LRRC8D: variants seen among roughly 807,000 people sequenced by gnomAD.
LRRC8D encodes volume-regulated anion channel subunit LRRC8D.
A neutral mutation model predicts 55.8 loss-of-function variants in LRRC8D; 20 were observed. That is an observed-to-expected ratio of 0.36 (90% CI 0.25 to 0.52). The LOEUF (loss-of-function observed/expected upper bound fraction) is 0.52. Among genes scored for constraint, LRRC8D ranks in the 20% least tolerant of loss-of-function variants. The pLI is 0.93. For missense variants in LRRC8D, 651 were observed against 1,030.8 expected, an observed-to-expected ratio of 0.63 and a Z score of 5.05; for synonymous variants, 352 against 377.0, an observed-to-expected ratio of 0.93 and a Z score of 0.77.
At chr1:89,826,998 T>A (rs1020449153) in intron 1 of LRRC8D, among the ~76,000 whole-genome samples, 2 of 152,190 alleles carry the variant, frequency 1.3e-5, no homozygotes, top group African/African-American at 4.8e-5. Context: ...TACCTTCATG[T>A]TGTTGTCCTG....
intron 1 of LRRC8D, among the ~76,000 whole-genome samples, chr1:89,825,975 T>C (rs1660752070): frequency 6.6e-6 from 1 of 152,242 alleles, no homozygotes; most frequent in Admixed American, 6.5e-5. Context: ...AATCCTTTGT[T>C]AGTGTGTTGG....
intron 2 of LRRC8D, among the ~76,000 whole-genome samples, chr1:89,910,182 G>C (rs1663101969): frequency 6.6e-6 from 1 of 152,158 alleles, no homozygotes; most frequent in African/African-American, 2.4e-5. Context: ...CTTTTTGAAG[G>C]TAAGATTTAA....
chr1:89,830,564 T>C (rs538039918), intron 1 of LRRC8D, among the ~76,000 whole-genome samples: 4 of 152,324 alleles, frequency 2.6e-5, no homozygotes, highest in African/African-American at 9.6e-5. Flanking sequence ...GCAAATAGTG[T>C]GCCTCAGAGA....
At chr1:89,896,977 C>T (rs1340446825) in intron 2 of LRRC8D, among the ~76,000 whole-genome samples, 1 of 152,108 alleles carries the variant, frequency 6.6e-6, no homozygotes, top group Non-Finnish European at 1.5e-5. Context: ...TGTGGTGGTT[C>T]AGTTTTTGCA....
intron 2 of LRRC8D, among the ~76,000 whole-genome samples, chr1:89,877,424 C>G (rs1662174323): frequency 6.6e-6 from 1 of 152,100 alleles, no homozygotes; most frequent in African/African-American, 2.4e-5. Context: ...TTTAAAAATA[C>G]CTTGCACATA....
rs570935080 is a variant in LRRC8D, at chr1:89,850,868, A to G, written c.-3+7086A>G. Among the ~76,000 whole-genome samples, 14 of 152,230 alleles carry G rather than the reference A, an allele frequency of 9.2e-5. No homozygotes were observed. The East Asian group carries it at 1.9e-3, about 21-fold the overall frequency. ...ATTAATATAAATTTTAAAGTTCAAG[A>G]CTTTAAGATTATTTTGAGGCAGATT... On this transcript the variant is annotated intron_variant, in intron 2 of 2. Transcript: ENST00000337338.
chr1:89,934,188 T>A lies in LRRC8D; in HGVS notation c.1120T>A (p.Cys374Ser). Reference protein sequence around the residue: ...KLLISYISIICVYGFICLYTL... With the variant: ...KLLISYISIISVYGFICLYTL... ...TCTCATCAGTTACATATCCATTATT[T>A]GTGTTTATGGCTTTATCTGCCTCTA... is the stretch of plus-strand genomic sequence containing the variant. Residue 374 changes from cysteine (C) to serine (S), a missense_variant, in exon 3 of 3, where the codon TGT (cysteine) becomes AGT (serine). Around this residue, in one of 5 missense-constraint regions of LRRC8D, gnomAD observed 178 missense variants for 374.9 expected, o/e 0.47. Coordinates refer to ENST00000337338, the MANE Select transcript of LRRC8D (RefSeq NM_001134479.2). This position sits in a 1 kb window ranked among gnomAD's most constrained non-coding sequence, Gnocchi z 5.9. 6.2e-7 allele frequency: 1 copy of A among 1,614,126 alleles called. No individual in the cohort carries two copies. Among genetic ancestry groups the A allele is most frequent in the Non-Finnish European group, 8.5e-7 (1 of 1,179,978 alleles).
intron 2 of LRRC8D, among the ~76,000 whole-genome samples, chr1:89,894,779 C>A (rs1662664746): frequency 6.6e-6 from 1 of 152,184 alleles, no homozygotes; most frequent in African/African-American, 2.4e-5. Context: ...ATATAAGTCA[C>A]CACTCAAATA....
chr1:89,843,889 G>T, intron 2 of LRRC8D, 107 bp downstream of exon 2: 1 of 514,394 alleles, frequency 1.9e-6, no homozygotes, highest in Admixed American at 3.3e-5. Context: ...AGCTTCACTT[G>T]CCCGCCCCCC....
chr1:89,933,058 G>GT lies in LRRC8D; in HGVS notation c.-2-5dup. On this transcript the variant is annotated splice_polypyrimidine_tract_variant and intron_variant, in intron 2 of 2. Transcript: ENST00000337338. This position sits in a 1 kb window ranked among gnomAD's most constrained non-coding sequence, Gnocchi z 7.0. ...CTAGAATAATGTCTTTTGTCTTCTT[G>GT]TTTTCTAGGAATGTTTACCCTTGCG... 1 of 1,596,080 alleles carries GT rather than the reference G, an allele frequency of 6.3e-7. No homozygotes were observed. The highest frequency in any genetic ancestry group is 1.3e-5 in the African/African-American group (1 of 74,560).
chr1:89,907,049 A>C (rs767329216), intron 2 of LRRC8D, among the ~76,000 whole-genome samples: 3 of 151,348 alleles, frequency 2.0e-5, no homozygotes, highest in African/African-American at 7.3e-5. Flanking sequence ...GGGTAACTCA[A>C]CTCCTCCAAA....
At chr1:89,920,462 G>C (rs1207802544) in intron 2 of LRRC8D, among the ~76,000 whole-genome samples, 1 of 151,822 alleles carries the variant, frequency 6.6e-6, no homozygotes, top group African/African-American at 2.4e-5. Flanking sequence ...TAAATCTTGA[G>C]ATTTTTTATG....
rs763758622 is a variant in LRRC8D, at chr1:89,843,678, A to T, written c.-107A>T. On this transcript the variant is annotated 5_prime_UTR_variant, in exon 2 of 3. The change abolishes an upstream ATG in the 5' untranslated region. Coordinates refer to ENST00000337338, the MANE Select transcript of LRRC8D (RefSeq NM_001134479.2). ...CTATAACGTGCTGCCGGGTCTCAGGATGGAGGAGTGAAGTCTCCTGTCGCC... is the reference window on the plus strand; with the variant it reads ...CTATAACGTGCTGCCGGGTCTCAGGTTGGAGGAGTGAAGTCTCCTGTCGCC... The T allele has an allele frequency of 2.8e-6, 2 of 702,202 alleles. No individual in the cohort carries two copies. The highest frequency in any genetic ancestry group is 3.0e-5 in the South Asian group (2 of 67,580). The allele number at this position is 702,202 out of a possible 1,614,324, so 43.5% of individuals were successfully genotyped here.
chr1:89,921,515 G>GT (rs997254894), intron 2 of LRRC8D, among the ~76,000 whole-genome samples: 1 of 151,196 alleles, frequency 6.6e-6, no homozygotes, highest in Non-Finnish European at 1.5e-5. Context: ...ACTTTTAAAG[G>GT]TTTTTTTTGT....
At position 89,844,508 on chromosome 1, in the gene LRRC8D, C is replaced by T. The variant is rs557879411; in HGVS notation, c.-3+726C>T. Among the ~76,000 whole-genome samples the T allele has an allele frequency of 6.8e-4, 104 of 152,262 alleles. 1 individual carries two copies. Among genetic ancestry groups the T allele is most frequent in the Admixed American group, 1.8e-3 (28 of 15,310 alleles). Reference sequence around the variant, plus strand: ...CTGTGGTTTCTGAGCCAGGCCTCCTCGCTGAGACAGAAGGTACTTTAACAT... The same window carrying T: ...CTGTGGTTTCTGAGCCAGGCCTCCTTGCTGAGACAGAAGGTACTTTAACAT... On this transcript the variant is annotated intron_variant, in intron 2 of 2. Coordinates refer to ENST00000337338, the MANE Select transcript of LRRC8D (RefSeq NM_001134479.2).
chr1:89,918,665 G>A (rs1234158408), intron 2 of LRRC8D, among the ~76,000 whole-genome samples: 2 of 152,194 alleles, frequency 1.3e-5, no homozygotes, highest in African/African-American at 4.8e-5. Flanking sequence ...GTATGCCCAA[G>A]CTTACCTTTG....
rs988422833 is a variant in LRRC8D, at chr1:89,850,138, T to C, written c.-3+6356T>C. 4.6e-5 allele frequency among the ~76,000 whole-genome samples: 7 copies of C among 152,228 alleles called. No individual in the cohort carries two copies. In the East Asian group the frequency reaches 7.7e-4, roughly 17 times the overall value. On this transcript the variant is annotated intron_variant, in intron 2 of 2. Transcript: ENST00000337338. ...TTTCCCAGCACTATTTGCCAACTAGTACATTCTTTCTCCACAGAGTTTTGG... is the reference window on the plus strand; with the variant it reads ...TTTCCCAGCACTATTTGCCAACTAGCACATTCTTTCTCCACAGAGTTTTGG...
chr1:89,871,143 C>G (rs1056585409), intron 2 of LRRC8D, among the ~76,000 whole-genome samples: 3 of 152,126 alleles, frequency 2.0e-5, no homozygotes, highest in Non-Finnish European at 2.9e-5. Flanking sequence ...AGTTCATTTG[C>G]CACTGCTAGA....
chr1:89,873,905 A>G (rs1309021722), intron 2 of LRRC8D, among the ~76,000 whole-genome samples: 1 of 152,234 alleles, frequency 6.6e-6, no homozygotes, highest in African/African-American at 2.4e-5. Flanking sequence ...TGCCTAAAGT[A>G]TTTGGGAAAT....
Sources: allele counts gnomAD v4.1 joint callset (sites outside exome capture counted in the v4.1 genomes callset), GRCh38; gene constraint gnomAD v4.1.1; regional missense constraint gnomAD v4.1.1; non-coding constraint Gnocchi (gnomAD v3.1); transcripts MANE v1.5; gene names NCBI Gene and HGNC (gene_info 2026-07-23, HGNC 2026-07-21).